The following PCDH15 variants were observed in gnomAD, a reference collection of about 807,000 sequenced individuals.
PCDH15 encodes the protein protocadherin related 15, also known as protocadherin-15.
Under a neutral mutation model 178.5 loss-of-function variants are expected in PCDH15, and 129 were observed. That is an observed-to-expected ratio of 0.72 (90% CI 0.63 to 0.84). PCDH15 has a LOEUF of 0.84. Ranked by LOEUF, PCDH15 falls within the 40% of genes least tolerant of loss-of-function variation. The pLI is 0.00. For synonymous variants in PCDH15, 800 were observed against 732.0 expected (o/e 1.09, Z -1.50); for missense variants, 2,230 against 2,099.9 (o/e 1.06, Z -1.21).
intron 3 of PCDH15, among the ~76,000 whole-genome samples, chr10:54,433,369 G>A (rs892337601): frequency 1.3e-5 from 2 of 152,124 alleles, no homozygotes; most frequent in African/African-American, 4.8e-5. Flanking sequence ...ATACAATGGA[G>A]TACTATTCAG....
chr10:55,293,285 C>T (rs943439195), intron 1 of PCDH15, among the ~76,000 whole-genome samples: 16 of 151,786 alleles, frequency 1.1e-4, no homozygotes, highest in Admixed American at 3.9e-4. Flanking sequence ...CATAAAGATG[C>T]TGGGCCTGGC....
chr10:53,888,517 A>T (rs1280977972), intron 26 of PCDH15, among the ~76,000 whole-genome samples: 1 of 139,018 alleles, frequency 7.2e-6, no homozygotes, highest in Non-Finnish European at 1.6e-5. Flanking sequence ...TGTCTTACTA[A>T]TTTTTATCCC....
chr10:54,534,511 G>T (rs2084272203), intron 2 of PCDH15, among the ~76,000 whole-genome samples: 1 of 152,184 alleles, frequency 6.6e-6, no homozygotes, highest in Non-Finnish European at 1.5e-5. Context: ...GAGTTGGTGA[G>T]ATTCCACAGA....
intron 29 of PCDH15, among the ~76,000 whole-genome samples, chr10:53,839,202 CAAAAA>C (rs758823713): frequency 1.8e-3 from 131 of 74,592 alleles, no homozygotes; most frequent in African/African-American, 5.7e-3. Context: ...GTCTCCGTCT[CAAAAA>C]AAAAAAAAAA....
At chr10:54,720,130 G>A (rs1289407382) in intron 1 of PCDH15, among the ~76,000 whole-genome samples, 2 of 152,058 alleles carry the variant, frequency 1.3e-5, no homozygotes, top group Non-Finnish European at 2.9e-5. Context: ...GTGGAAGATA[G>A]TATGGTGATT....
At chr10:55,432,752 AG>A (rs1341877513) in intron 2 of PCDH15, among the ~76,000 whole-genome samples, 1 of 150,682 alleles carries the variant, frequency 6.6e-6, no homozygotes, top group Non-Finnish European at 1.5e-5. Flanking sequence ...CTGGAAATAC[AG>A]GTGCCTGCCA....
intron 1 of PCDH15, among the ~76,000 whole-genome samples, chr10:55,284,566 A>G (rs547197077): frequency 4.1e-5 from 4 of 97,612 alleles, no homozygotes; most frequent in African/African-American, 1.3e-4. Context: ...TTTTCTGCAT[A>G]TTATTTTTTC....
intron 11 of PCDH15, among the ~76,000 whole-genome samples, chr10:54,194,114 A>G (rs1054701984): frequency 6.6e-6 from 1 of 151,890 alleles, no homozygotes; most frequent in Non-Finnish European, 1.5e-5. Context: ...AAGAGAAACA[A>G]AAGAATAAAA....
intron 35 of PCDH15, among the ~76,000 whole-genome samples, chr10:53,813,963 A>C (rs563916742): frequency 1.6e-4 from 24 of 152,260 alleles, no homozygotes; most frequent in Non-Finnish European, 3.4e-4. Context: ...GTTTTATTTC[A>C]ACAAAAATAT....
At chr10:55,544,141 T>TAC (rs1379074744) in intron 2 of PCDH15, among the ~76,000 whole-genome samples, 94 of 53,778 alleles carry the variant, frequency 1.7e-3, no homozygotes, top group African/African-American at 3.4e-3. Flanking sequence ...TATACATACA[T>TAC]ATATATATAT....
At chr10:55,117,674 A>G (rs1318191035) in intron 2 of PCDH15, among the ~76,000 whole-genome samples, 1 of 152,180 alleles carries the variant, frequency 6.6e-6, no homozygotes, top group African/African-American at 2.4e-5. Context: ...AAAGACATCC[A>G]GGGAAATAAA....
chr10:54,601,124 G>T (rs564311178), intron 2 of PCDH15, among the ~76,000 whole-genome samples: 2 of 151,978 alleles, frequency 1.3e-5, no homozygotes, highest in East Asian at 3.9e-4. Flanking sequence ...TATGTTGATC[G>T]ATGTGAAATG....
At chr10:55,005,207 A>AAATAATAATAAT (rs373796184) in intron 2 of PCDH15, among the ~76,000 whole-genome samples, 8,789 of 103,298 alleles carry the variant, frequency 0.085, 390 homozygotes, top group African/African-American at 0.12. Flanking sequence ...CCCTGTCTCT[A>AAATAATAATAAT]AATAATAATA....
At chr10:54,141,303 T>A (rs756091051) in intron 14 of PCDH15, among the ~76,000 whole-genome samples, 9 of 152,222 alleles carry the variant, frequency 5.9e-5, no homozygotes, top group Non-Finnish European at 8.8e-5. Context: ...TAAATTTGAT[T>A]GGTTTTTCTT....
At chr10:55,259,777 CT>C (rs1398726234) in intron 1 of PCDH15, among the ~76,000 whole-genome samples, 1 of 151,428 alleles carries the variant, frequency 6.6e-6, no homozygotes, top group Admixed American at 6.6e-5. Flanking sequence ...CGGTGCATGC[CT>C]GTAATCCCAG....
At chr10:55,400,290 T>A (rs1364851249) in intron 2 of PCDH15, among the ~76,000 whole-genome samples, 1 of 152,054 alleles carries the variant, frequency 6.6e-6, no homozygotes, top group Non-Finnish European at 1.5e-5. Context: ...GTTGGCTGAG[T>A]GACTACACAG....
intron 8 of PCDH15, among the ~76,000 whole-genome samples, chr10:54,240,764 T>A (rs2055190974): frequency 6.6e-6 from 1 of 150,964 alleles, no homozygotes; most frequent in African/African-American, 2.4e-5. Context: ...CCCGAGTAGC[T>A]GGGACTACAG....
chr10:54,090,543 C>T (rs2094583114), intron 15 of PCDH15, among the ~76,000 whole-genome samples: 1 of 150,868 alleles, frequency 6.6e-6, no homozygotes, highest in African/African-American at 2.4e-5. Context: ...ACTTGGGAGG[C>T]TGAGGCAGGA....
intron 2 of PCDH15, among the ~76,000 whole-genome samples, chr10:54,968,441 A>ATTT (rs56262769): frequency 6.7e-6 from 1 of 149,724 alleles, no homozygotes; most frequent in Non-Finnish European, 1.5e-5. Flanking sequence ...ATAGATTGAC[A>ATTT]TTTTTTTTTT....
Sources: allele counts gnomAD v4.1 joint callset (sites outside exome capture counted in the v4.1 genomes callset), GRCh38; gene constraint gnomAD v4.1.1; transcripts MANE v1.5; gene names NCBI Gene and HGNC (gene_info 2026-07-23, HGNC 2026-07-21).